The following ERMP1 variants were observed in gnomAD, a reference collection of about 807,000 sequenced individuals.
ERMP1 encodes the protein endoplasmic reticulum metallopeptidase 1, also known as Felix-ina.
A neutral mutation model predicts 92.0 loss-of-function variants in ERMP1; 86 were observed. The observed-to-expected ratio is 0.93, with a 90% confidence interval of 0.79 to 1.12. The LOEUF (loss-of-function observed/expected upper bound fraction) is 1.12, where lower values mean the gene tolerates loss of function less well. Ranked by LOEUF, ERMP1 falls within the 50% of genes most tolerant of loss-of-function variation. The pLI is 0.00. For synonymous variants in ERMP1, 530 were observed against 412.8 expected, an observed-to-expected ratio of 1.28 and a Z score of -3.44; for missense variants, 1,342 against 1,116.3, an observed-to-expected ratio of 1.20 and a Z score of -2.88.
chr9:5,859,073 C>T (rs10217579), intron 6 of ERMP1, among the ~76,000 whole-genome samples: 102,247 of 152,058 alleles, frequency 0.67, 34,811 homozygotes, highest in South Asian at 0.8. Context: ...CCAAACATCA[C>T]GGCTAGCAAG....
intron 6 of ERMP1, among the ~76,000 whole-genome samples, chr9:5,849,679 C>G (rs76668935): frequency 5.0e-4 from 76 of 152,268 alleles, no homozygotes; most frequent in African/African-American, 1.8e-3. Flanking sequence ...TTAATAAAAC[C>G]CATGCTGTTA....
At chr9:5,837,676 G>A (rs983449146), upstream of ERMP1, among the ~76,000 whole-genome samples, 3 of 152,218 alleles carry the variant, frequency 2.0e-5, no homozygotes, top group Non-Finnish European at 4.4e-5. Context: ...CTGTTCGTGT[G>A]TGTGTGTATA....
Position 5,823,899 on chromosome 9 carries a change from T to A in ERMP1, c.871A>T (p.Thr291Ser), listed in dbSNP as rs773294457. 6.2e-7 allele frequency: 1 copy of A among 1,603,726 alleles called. No homozygotes were observed. Among genetic ancestry groups the A allele is most frequent in the African/African-American group, 1.3e-5 (1 of 74,758 alleles). ...TACAACGCACAATCTCACATACCTGTTTGGAATACAAGTTCTTTCCCTCCT... is the reference window on the plus strand; with the variant it reads ...TACAACGCACAATCTCACATACCTGATTGGAATACAAGTTCTTTCCCTCCT... ...GVGGKELVFQ[T>S]GPENPWLVQA... is the part of the protein sequence containing the mutation. Residue 291 changes from threonine (T) to serine (S), a missense_variant, in exon 4 of 15, where the codon ACA (threonine) becomes TCA (serine). Coordinates refer to ENST00000339450, the MANE Select transcript of ERMP1 (RefSeq NM_024896.3).
At chr9:5,849,253 C>A (rs1830277573) in intron 6 of ERMP1, among the ~76,000 whole-genome samples, 1 of 152,178 alleles carries the variant, frequency 6.6e-6, no homozygotes, top group African/African-American at 2.4e-5. Context: ...AATCTCTTGA[C>A]CTCGTGATCT....
At chr9:5,816,479 T>A (rs1285434308) in intron 4 of ERMP1, among the ~76,000 whole-genome samples, 1 of 152,240 alleles carries the variant, frequency 6.6e-6, no homozygotes, top group Non-Finnish European at 1.5e-5. Context: ...GAAAGTATTA[T>A]CTTTTGTATA....
chr9:5,828,954 C>T (rs1223761038), intron 2 of ERMP1, among the ~76,000 whole-genome samples: 1 of 151,856 alleles, frequency 6.6e-6, no homozygotes, highest in Admixed American at 6.6e-5. Flanking sequence ...CATAAAAAAA[C>T]CACTGGTGGC....
intron 4 of ERMP1, among the ~76,000 whole-genome samples, chr9:5,813,879 T>G (rs1829204052): frequency 6.7e-6 from 1 of 148,402 alleles, no homozygotes; most frequent in South Asian, 2.1e-4. Context: ...TAATTATACG[T>G]ATATTTATAT....
chr9:5,828,230 G>A lies in ERMP1; in HGVS notation c.640+2497C>T, dbSNP rs532284492. 3.9e-5 allele frequency among the ~76,000 whole-genome samples: 6 copies of A among 152,270 alleles called. No individual in the cohort carries two copies. In the East Asian group the frequency reaches 1.2e-3, roughly 29 times the overall value. On this transcript the variant is annotated intron_variant, in intron 2 of 14. Coordinates refer to ENST00000339450, the MANE Select transcript of ERMP1 (RefSeq NM_024896.3). ...TCCACATATACAATCTGTAACATTTGGCACTATGTTTGTAAAGAGTAACTG... is the reference window on the plus strand; with the variant it reads ...TCCACATATACAATCTGTAACATTTAGCACTATGTTTGTAAAGAGTAACTG...
chr9:5,809,867 T>C lies in ERMP1; in HGVS notation c.1548+144A>G, dbSNP rs1041377362. 3 of 607,252 alleles carry C rather than the reference T, an allele frequency of 4.9e-6. No individual in the cohort carries two copies. In the African/African-American group the frequency reaches 5.6e-5, roughly 11 times the overall value. 37.6% of individuals were successfully genotyped at this position (607,252 alleles called of 1,614,324 possible). On this transcript the variant is annotated intron_variant, in intron 8 of 14. Transcript: ENST00000339450. The stretch of plus-strand genomic sequence containing the variant: ...TCAGAATAAGAAATCTTTCAGAAAA[T>C]TAACACAGTGTAGGTGCGTTTTCCA...
chr9:5,831,784 C>A (rs1450671635), intron 1 of ERMP1, among the ~76,000 whole-genome samples: 1 of 152,086 alleles, frequency 6.6e-6, no homozygotes, highest in East Asian at 1.9e-4. Flanking sequence ...GGACCTAGCC[C>A]TCCTAGCATA....
chr9:5,829,457 G>A (rs941398084), intron 2 of ERMP1, among the ~76,000 whole-genome samples: 5 of 152,108 alleles, frequency 3.3e-5, no homozygotes, highest in Admixed American at 2.6e-4. Context: ...CTATAAGTTC[G>A]AGTAATCCAG....
intron 10 of ERMP1, among the ~76,000 whole-genome samples, chr9:5,802,113 A>C (rs1828696358): frequency 6.6e-6 from 1 of 152,212 alleles, no homozygotes; most frequent in Admixed American, 6.5e-5. Context: ...CATTTTAAAT[A>C]TTGTGAATAC....
chr9:5,813,943 G>A (rs1004334348), intron 4 of ERMP1, among the ~76,000 whole-genome samples: 3 of 148,934 alleles, frequency 2.0e-5, no homozygotes, highest in Middle Eastern at 3.5e-3. Flanking sequence ...CTCTTCCCTC[G>A]CTGAAAAAGG....
At chr9:5,844,264 T>G (rs1191498862) in intron 6 of ERMP1, among the ~76,000 whole-genome samples, 1 of 152,024 alleles carries the variant, frequency 6.6e-6, no homozygotes, top group Non-Finnish European at 1.5e-5. Flanking sequence ...AGATTTTGTG[T>G]TTTTTTGTTT....
At chr9:5,860,805 C>G (rs1830463213) in intron 5 of ERMP1, among the ~76,000 whole-genome samples, 1 of 151,862 alleles carries the variant, frequency 6.6e-6, no homozygotes, top group African/African-American at 2.4e-5. Context: ...TGGTCTCAAA[C>G]TCCTGGTCTC....
At chr9:5,865,511 AAATAATAATAAT>A (rs58367366) in intron 5 of ERMP1, among the ~76,000 whole-genome samples, 3 of 142,244 alleles carry the variant, frequency 2.1e-5, no homozygotes, top group South Asian at 2.3e-4. Context: ...CCATCTCAAA[AAATAATAATAAT>A]AATAATAATA....
intron 5 of ERMP1, among the ~76,000 whole-genome samples, chr9:5,865,131 A>G (rs1418741): frequency 0.6 from 85,373 of 142,668 alleles, 25,084 homozygotes; most frequent in South Asian, 0.72. Context: ...GACATAGGAA[A>G]ATGTTCCTTT....
In ERMP1 at chr9:5,806,607, AC is replaced by A. The variant is rs531221554; in HGVS notation, c.1549-823del. ...CTACACCCAGCAAAGTTTAAAAAAA[AC>A]ATTTTTTTTTTGGCAGAGACAGGGT... On this transcript the variant is annotated intron_variant, in intron 8 of 14. Coordinates refer to ENST00000339450, the MANE Select transcript of ERMP1 (RefSeq NM_024896.3). Among the ~76,000 whole-genome samples the A allele has an allele frequency of 4.9e-4, 75 of 151,682 alleles. No homozygotes were observed. The Middle Eastern group carries it at 0.01, about 21-fold the overall frequency.
At chr9:5,816,426 T>C (rs1298689528) in intron 4 of ERMP1, among the ~76,000 whole-genome samples, 1 of 152,226 alleles carries the variant, frequency 6.6e-6, no homozygotes, top group African/African-American at 2.4e-5. Context: ...ATTACACAGA[T>C]TGATTTTCAA....
Sources: allele counts gnomAD v4.1 joint callset (sites outside exome capture counted in the v4.1 genomes callset), GRCh38; gene constraint gnomAD v4.1.1; transcripts MANE v1.5; gene names NCBI Gene and HGNC (gene_info 2026-07-23, HGNC 2026-07-21).